Variants in DCT observed in about 807,000 individuals in gnomAD.
The protein encoded by DCT is dopachrome tautomerase.
Under a neutral mutation model 53.0 loss-of-function variants are expected in DCT, and 47 were observed. The ratio of observed to expected loss-of-function variants is 0.89; its 90% CI spans 0.70 to 1.13. The LOEUF (loss-of-function observed/expected upper bound fraction) is 1.13, where lower values mean the gene tolerates loss of function less well. DCT is among the 50% of genes most tolerant of loss of function. The pLI is 0.00. For synonymous variants in DCT, 244 were observed against 237.0 expected (o/e 1.03, Z -0.27); for missense variants, 669 against 637.4 (o/e 1.05, Z -0.53).
At chr13:94,480,426 G>A (rs1438298026), upstream of DCT, among the ~76,000 whole-genome samples, 1 of 152,150 alleles carries the variant, frequency 6.6e-6, no homozygotes, top group Non-Finnish European at 1.5e-5. Context: ...TTTCACAGTG[G>A]AAACAGGACT....
At chr13:94,446,950 C>G (rs1293460272) in intron 6 of DCT, among the ~76,000 whole-genome samples, 1 of 152,100 alleles carries the variant, frequency 6.6e-6, no homozygotes, top group Non-Finnish European at 1.5e-5. Flanking sequence ...CTGCAGCTAT[C>G]CTATTTCCAA....
intron 6 of DCT, among the ~76,000 whole-genome samples, chr13:94,445,103 G>A (rs1158029977): frequency 1.3e-5 from 2 of 152,178 alleles, no homozygotes; most frequent in African/African-American, 2.4e-5. Context: ...AACAGTTTGT[G>A]CAAATAAACA....
intron 6 of DCT, among the ~76,000 whole-genome samples, chr13:94,455,381 T>TAAAGAGAGAGAG (rs139095318): frequency 1.4e-5 from 2 of 141,652 alleles, no homozygotes; most frequent in African/African-American, 5.4e-5. Flanking sequence ...GACTGTCTCT[T>TAAAGAGAGAGAG]AGAGAGAGAG....
At chr13:94,497,613 G>A in the DCT span, among the ~76,000 whole-genome samples, 1 of 152,080 alleles carries the variant, frequency 6.6e-6, no homozygotes, top group Non-Finnish European at 1.5e-5. Context: ...AAATCATGAC[G>A]AAGAGAAATA....
the DCT span, among the ~76,000 whole-genome samples, chr13:94,513,524 G>T: frequency 6.6e-6 from 1 of 152,118 alleles, no homozygotes; most frequent in Non-Finnish European, 1.5e-5. Flanking sequence ...GAAACAATGG[G>T]CAGCATTTGT....
rs556448735 is a variant in DCT at position 94,468,962 on chromosome 13, G to C, written c.379C>G (p.Arg127Gly). The C allele has an allele frequency of 1.2e-6, 2 of 1,614,096 alleles. No individual in the cohort carries two copies. Among genetic ancestry groups the C allele is most frequent in the Non-Finnish European group, 1.7e-6 (2 of 1,180,016 alleles). Residue 127 changes from arginine (R) to glycine (G), a missense_variant, in exon 2 of 8, where the codon CGG (arginine) becomes GGG (glycine). Transcript: ENST00000377028. The part of the protein sequence containing the change: ...NCERKKPPVI[R>G]QNIHSLSPQE... Reference sequence around the variant, plus strand: ...GGACTCAAGGAATGGATGTTCTGCCGAATCACTGGTGGTTTCTTCCGCTCG... The same window carrying C: ...GGACTCAAGGAATGGATGTTCTGCCCAATCACTGGTGGTTTCTTCCGCTCG...
rs1407834921 is a variant in DCT at position 94,437,464 on chromosome 13, A to C, written c.*2434T>G. ...TTAGAATTAGAAGGGAATTTAATGC[A>C]CAAAGGAAAGATGTTATTGCATTTT... On this transcript the variant is annotated 3_prime_UTR_variant, in exon 8 of 8. Coordinates refer to ENST00000377028, the MANE Select transcript of DCT (RefSeq NM_001922.5). The C allele has an allele frequency of 6.6e-6, 1 of 152,224 alleles. No individual in the cohort carries two copies. The highest frequency in any genetic ancestry group is 2.4e-5 in the African/African-American group (1 of 41,466). The allele number at this position is 152,224 out of a possible 1,614,324, so 9.4% of individuals were successfully genotyped here. A position where few individuals can be genotyped will look rare whatever the true frequency, so the allele number is the denominator to read the frequency against.
chr13:94,492,749 G>A, the DCT span, among the ~76,000 whole-genome samples: 1 of 152,130 alleles, frequency 6.6e-6, no homozygotes, highest in Non-Finnish European at 1.5e-5. Context: ...AAAAGAAAAT[G>A]TAAATCACTC....
At chr13:94,485,902 T>C in the DCT span, among the ~76,000 whole-genome samples, 3 of 152,182 alleles carry the variant, frequency 2.0e-5, no homozygotes, top group African/African-American at 7.2e-5. Flanking sequence ...ATTGGGTTTG[T>C]GGTCTTTTTT....
At chr13:94,519,494 T>C in the DCT span, among the ~76,000 whole-genome samples, 5 of 152,134 alleles carry the variant, frequency 3.3e-5, no homozygotes, top group Non-Finnish European at 7.4e-5. Context: ...AAAAAAGAAA[T>C]GACTGTATAT....
chr13:94,467,724 G>C (rs1416802707), intron 2 of DCT: 1 of 152,178 alleles, frequency 6.6e-6, no homozygotes, highest in Admixed American at 6.5e-5. Flanking sequence ...AACAACGAGA[G>C]GGTATCAATT....
At chr13:94,544,687 G>A in the DCT span, among the ~76,000 whole-genome samples, 1 of 152,154 alleles carries the variant, frequency 6.6e-6, no homozygotes, top group African/African-American at 2.4e-5. Flanking sequence ...GTATATTCCT[G>A]GAATCTGTAG....
the DCT span, among the ~76,000 whole-genome samples, chr13:94,494,817 T>C: frequency 1.3e-5 from 2 of 152,220 alleles, no homozygotes; most frequent in Non-Finnish European, 2.9e-5. Context: ...AACAAAATTA[T>C]GATATTACAT....
chr13:94,475,749 T>A (rs1393417533), intron 1 of DCT, among the ~76,000 whole-genome samples: 1 of 152,220 alleles, frequency 6.6e-6, no homozygotes, highest in Non-Finnish European at 1.5e-5. Context: ...ATGTTCATTA[T>A]CTTGATTGTG....
chr13:94,479,058 G>A lies in DCT; in HGVS notation c.198C>T (p.Ala66=), dbSNP rs375795787. The A allele has an allele frequency of 2.4e-5, 39 of 1,614,066 alleles. No individual in the cohort carries two copies. The highest frequency in any genetic ancestry group is 3.3e-4 in the Middle Eastern group (2 of 6,084). ...QGRGQCTEVR[A]DTRPWSGPYI... Reference sequence around the variant, plus strand: ...AGGGACCACTCCAGGGCCTTGTGTCGGCTCGCACCTCTGTGCACTGCCCCC... The same window carrying A: ...AGGGACCACTCCAGGGCCTTGTGTCAGCTCGCACCTCTGTGCACTGCCCCC... The change falls in exon 1 of 8, where the codon GCC becomes GCT. Residue 66 remains alanine (A), a synonymous_variant. Transcript: ENST00000377028.
the DCT span, among the ~76,000 whole-genome samples, chr13:94,507,184 G>T: frequency 6.6e-6 from 1 of 152,142 alleles, no homozygotes; most frequent in African/African-American, 2.4e-5. Flanking sequence ...CTCCGAATGA[G>T]TAAATATCAT....
the DCT span, among the ~76,000 whole-genome samples, chr13:94,503,011 G>GC: frequency 1.3e-5 from 2 of 152,158 alleles, no homozygotes; most frequent in Admixed American, 6.5e-5. Context: ...AATAATGTCT[G>GC]CCAAAATGAT....
intron 6 of DCT, among the ~76,000 whole-genome samples, chr13:94,448,037 C>T (rs1427398266): frequency 1.3e-5 from 2 of 152,062 alleles, no homozygotes; most frequent in Non-Finnish European, 2.9e-5. Flanking sequence ...CACATGAGCC[C>T]AGGAGTTCGA....
chr13:94,449,039 C>T (rs1882917483), intron 6 of DCT, among the ~76,000 whole-genome samples: 1 of 151,566 alleles, frequency 6.6e-6, no homozygotes, highest in Non-Finnish European at 1.5e-5. Flanking sequence ...GGCATATAAA[C>T]CTATTCTGTC....
Sources: allele counts gnomAD v4.1 joint callset (sites outside exome capture counted in the v4.1 genomes callset), GRCh38; gene constraint gnomAD v4.1.1; transcripts MANE v1.5; gene names NCBI Gene and HGNC (gene_info 2026-07-23, HGNC 2026-07-21).